The following RAD54B variants were observed in gnomAD, a reference collection of about 807,000 sequenced individuals.
RAD54B encodes the protein RAD54 homolog B, also known as DNA repair and recombination protein RAD54B.
RAD54B carries 78 observed loss-of-function variants against 95.8 expected under a neutral mutation model. That is an observed-to-expected ratio of 0.81 (90% CI 0.68 to 0.98). The LOEUF (loss-of-function observed/expected upper bound fraction) is 0.98. Among genes scored for constraint, RAD54B ranks in the 50% least tolerant of loss-of-function variants. The probability of loss-of-function intolerance (pLI) is 0.00; values close to 1 mark genes in which losing one functional copy is unlikely to be tolerated. For missense variants in RAD54B, 957 were observed against 1,056.6 expected, an observed-to-expected ratio of 0.91 and a Z score of 1.31; for synonymous variants, 328 against 354.9, an observed-to-expected ratio of 0.92 and a Z score of 0.85.
intron 3 of RAD54B, among the ~76,000 whole-genome samples, chr8:94,421,816 G>T (rs988892420): frequency 3.9e-5 from 6 of 152,072 alleles, no homozygotes; most frequent in Non-Finnish European, 8.8e-5. Flanking sequence ...CTGAATTTTG[G>T]TATTACTGCA....
intron 3 of RAD54B, among the ~76,000 whole-genome samples, chr8:94,418,260 T>C (rs770001418): frequency 6.6e-6 from 1 of 152,178 alleles, no homozygotes; most frequent in Non-Finnish European, 1.5e-5. Context: ...TCTGGTTATT[T>C]GTGGAAGATA....
chr8:94,391,680 G>T lies in RAD54B; in HGVS notation c.1738C>A (p.Pro580Thr). 1 of 1,613,926 alleles carries T rather than the reference G, an allele frequency of 6.2e-7. No individual in the cohort carries two copies. The highest frequency in any genetic ancestry group is 8.5e-7 in the Non-Finnish European group (1 of 1,179,964). ...AGAGCTCCTATACATATTAGATGGG[G>T]ACTATTTTCCAACAACCCTTGAAGG... ...FCLQGLLENS[P>T]HLICIGALKK... is the part of the protein sequence containing the mutation. Residue 580 changes from proline to threonine, a missense_variant, in exon 10 of 15, where the codon CCC becomes ACC. By Grantham distance (38) the Pro-to-Thr change is conservative. Coordinates refer to ENST00000336148, the MANE Select transcript of RAD54B (RefSeq NM_012415.3).
At chr8:94,444,748 A>G (rs2197004) in intron 3 of RAD54B, among the ~76,000 whole-genome samples, 47,501 of 151,420 alleles carry the variant, frequency 0.31, 7,863 homozygotes, top group East Asian at 0.43. Flanking sequence ...ACACCTGACT[A>G]TAGGCCCCTG....
At chr8:94,413,824 ATTCTTTTTTTTTT>A (rs939664510) in intron 3 of RAD54B, among the ~76,000 whole-genome samples, 2 of 131,810 alleles carry the variant, frequency 1.5e-5, no homozygotes, top group African/African-American at 5.4e-5. Flanking sequence ...CAGAATAATT[ATTCTTTTTTTTTT>A]TTCTTTTTTT....
chr8:94,402,230 A>G (rs2130013965), intron 6 of RAD54B, among the ~76,000 whole-genome samples: 1 of 151,894 alleles, frequency 6.6e-6, no homozygotes, highest in South Asian at 2.1e-4. Context: ...TGTGAAACCA[A>G]AAGTTTAATG....
intron 3 of RAD54B, chr8:94,432,669 A>G: frequency 6.7e-7 from 1 of 1,482,058 alleles, no homozygotes; most frequent in South Asian, 1.4e-5. Context: ...ATAGCACACA[A>G]AAAAGCATTA....
At position 94,378,635 on chromosome 8, in the gene RAD54B, C is replaced by T; in HGVS notation, c.2248-1G>A. The T allele has an allele frequency of 6.3e-7, 1 of 1,599,838 alleles. No individual in the cohort carries two copies. Among genetic ancestry groups the T allele is most frequent in the Non-Finnish European group, 8.5e-7 (1 of 1,171,246 alleles). ...CATCTCTCCATACTCTAGACATTGC[C>T]TATAGAAAATAAGTGAGAATTCTGA... On this transcript the variant is annotated splice_acceptor_variant, in intron 12 of 14. Transcript: ENST00000336148. LOFTEE classifies it high-confidence loss of function.
chr8:94,384,051 C>T (rs1441080838), intron 11 of RAD54B, among the ~76,000 whole-genome samples: 1 of 152,008 alleles, frequency 6.6e-6, no homozygotes, highest in African/African-American at 2.4e-5. Context: ...TTAATGGGTG[C>T]AGCAAACCAA....
In RAD54B at chr8:94,380,253, A is replaced by G; in HGVS notation, c.2139T>C (p.Phe713=). The G allele has an allele frequency of 6.2e-7, 1 of 1,614,054 alleles. No homozygotes were observed. Among genetic ancestry groups the G allele is most frequent in the East Asian group, 2.2e-5 (1 of 44,850 alleles). ...CTTTTGAACTTAACAAAAAAATAAA[A>G]AAAGAAGAGTGTTGACTGTTAAAGC... The part of the protein sequence containing the change: ...VDGFNSQHSS[F]FIFLLSSKAG... Residue 713 remains phenylalanine, a synonymous_variant, in exon 12 of 15, where the codon TTT becomes TTC. Transcript: ENST00000336148.
intron 1 of RAD54B, among the ~76,000 whole-genome samples, chr8:94,471,812 A>T (rs1248720905): frequency 6.6e-6 from 1 of 151,966 alleles, no homozygotes; most frequent in Non-Finnish European, 1.5e-5. Flanking sequence ...ACCATATTTC[A>T]TCAAATCTAA....
intron 12 of RAD54B, 84 bp downstream of exon 12, chr8:94,380,061 A>G (rs1488128620): frequency 8.2e-5 from 116 of 1,411,852 alleles, no homozygotes; most frequent in Non-Finnish European, 1.1e-4. Context: ...TGGATATTAT[A>G]TATCATCATT....
intron 3 of RAD54B, among the ~76,000 whole-genome samples, chr8:94,416,080 G>A (rs1270718611): frequency 1.3e-4 from 20 of 149,920 alleles, no homozygotes; most frequent in African/African-American, 3.4e-4. Context: ...TGTTTATTGC[G>A]GCACTATTCA....
chr8:94,412,905 T>C (rs1315140497), intron 3 of RAD54B, among the ~76,000 whole-genome samples: 2 of 152,164 alleles, frequency 1.3e-5, no homozygotes, highest in Admixed American at 1.3e-4. Flanking sequence ...TCAACTGTAT[T>C]CTTATAGACT....
At chr8:94,380,891 GAACCCA>G in intron 11 of RAD54B, among the ~76,000 whole-genome samples, 1 of 152,192 alleles carries the variant, frequency 6.6e-6, no homozygotes, top group Non-Finnish European at 1.5e-5. Flanking sequence ...TTGGTACGTA[GAACCCA>G]GGCCCTGCTC....
Position 94,391,849 on chromosome 8 carries a change from A to G in RAD54B, c.1569T>C (p.Thr523=). The G allele has an allele frequency of 3.1e-6, 5 of 1,613,486 alleles. No homozygotes were observed. The highest frequency in any genetic ancestry group is 3.4e-6 in the Non-Finnish European group (4 of 1,179,866). Residue 523 remains threonine, a synonymous_variant, in exon 10 of 15, where the codon ACT becomes ACC. Coordinates refer to ENST00000336148, the MANE Select transcript of RAD54B (RefSeq NM_012415.3). ...ERRAAELTCL[T]GLFILRRTQE... The stretch of plus-strand genomic sequence containing the variant: ...GGGTTCTTCTAAGGATAAAGAGTCC[A>G]GTGAGGCAAGTAAGTTCAGCTGCTC...
intron 6 of RAD54B, among the ~76,000 whole-genome samples, chr8:94,403,471 G>A (rs12543605): frequency 0.012 from 1,849 of 152,124 alleles, 127 homozygotes; most frequent in Admixed American, 0.1. Flanking sequence ...GAGGTCAAGA[G>A]TTCAAGACCA....
chr8:94,391,520 C>T (rs1351654447), intron 10 of RAD54B, 89 bp downstream of exon 10: 37 of 1,350,208 alleles, frequency 2.7e-5, no homozygotes, highest in Non-Finnish European at 3.7e-5. Flanking sequence ...ACAAATGCAA[C>T]CTCAGAAATT....
chr8:94,375,282 C>A (rs1030633928), intron 14 of RAD54B, among the ~76,000 whole-genome samples: 1 of 152,156 alleles, frequency 6.6e-6, no homozygotes, highest in Non-Finnish European at 1.5e-5. Context: ...TTGGCAGTGT[C>A]CCCACCCAAA....
intron 3 of RAD54B, among the ~76,000 whole-genome samples, chr8:94,441,845 G>A (rs1330265502): frequency 1.3e-5 from 2 of 152,176 alleles, no homozygotes; most frequent in East Asian, 1.9e-4. Flanking sequence ...TTTGGAGGTC[G>A]TAAGGATTTT....
Sources: allele counts gnomAD v4.1 joint callset (sites outside exome capture counted in the v4.1 genomes callset), GRCh38; gene constraint gnomAD v4.1.1; transcripts MANE v1.5; gene names NCBI Gene and HGNC (gene_info 2026-07-23, HGNC 2026-07-21).